SLC19A1: variants seen among roughly 807,000 people sequenced by gnomAD.
The protein encoded by SLC19A1 is reduced folate transporter.
In SLC19A1, 37 loss-of-function variants were observed where a neutral mutation model predicts 35.3. The observed-to-expected ratio is 1.05, with a 90% CI of 0.81 to 1.38. SLC19A1 has a LOEUF of 1.38. Ranked by LOEUF, SLC19A1 falls within the 40% of genes most tolerant of loss-of-function variation. The probability of loss-of-function intolerance (pLI) is 0.00; values close to 1 mark genes in which losing one functional copy is unlikely to be tolerated. For synonymous variants in SLC19A1, 460 were observed against 398.5 expected (o/e 1.15, Z -1.84); for missense variants, 831 against 826.9 (o/e 1.00, Z -0.06).
At chr21:45,509,164 C>CG (rs2037423158), downstream of SLC19A1, among the ~76,000 whole-genome samples, 1 of 152,070 alleles carries the variant, frequency 6.6e-6, no homozygotes, top group African/African-American at 2.4e-5. Flanking sequence ...CGCGATCCGG[C>CG]GCCACGGCAG....
At chr21:45,512,454 C>A, downstream of SLC19A1, 4 of 1,558,968 alleles carry the variant, frequency 2.6e-6, no homozygotes, top group South Asian at 3.5e-5. Context: ...GAAGCCCCCA[C>A]CGTGGGCAGG....
chr21:45,560,391 G>A (rs912502161), intron 1 of SLC19A1, among the ~76,000 whole-genome samples: 15 of 151,884 alleles, frequency 9.9e-5, no homozygotes, highest in Admixed American at 6.5e-4. Flanking sequence ...AGCAGGGAGG[G>A]GTCTTGGAGA....
rs896405686 is a variant in SLC19A1 at position 45,531,795 on chromosome 21, G to T, written c.543C>A (p.Ser181=). ...GCGAGATGTAGTTGAGCGTGGAGAA[G>T]GAGACTCGGCCCACAGTGACCAGCA... ...GQLLVTVGRV[S]FSTLNYISLA... Residue 181 remains serine, a synonymous_variant, in exon 3 of 6, where the codon TCC becomes TCA. Coordinates refer to ENST00000311124, the MANE Select transcript of SLC19A1 (RefSeq NM_194255.4). 6.3e-7 allele frequency: 1 copy of T among 1,598,294 alleles called. No homozygotes were observed. Among genetic ancestry groups the T allele is most frequent in the African/African-American group, 1.3e-5 (1 of 74,404 alleles).
chr21:45,544,833 C>T (rs1304198135), upstream of SLC19A1, among the ~76,000 whole-genome samples: 1 of 152,164 alleles, frequency 6.6e-6, no homozygotes, highest in African/African-American at 2.4e-5. Context: ...CACTCCCCGG[C>T]AGCCTTAGCA....
chr21:45,521,779 A>T (rs1208086046), intron 5 of SLC19A1, among the ~76,000 whole-genome samples: 1 of 152,242 alleles, frequency 6.6e-6, no homozygotes, highest in Non-Finnish European at 1.5e-5. Context: ...TCTTTTCAAC[A>T]AATGATGCTG....
intron 3 of SLC19A1, chr21:45,504,336 C>A: frequency 6.9e-7 from 1 of 1,455,108 alleles, no homozygotes; most frequent in Non-Finnish European, 9.4e-7. Context: ...GACTGCCCAG[C>A]CCTGGCTCGG....
intron 1 of SLC19A1, among the ~76,000 whole-genome samples, chr21:45,554,894 G>A (rs1326883850): frequency 6.6e-6 from 1 of 151,850 alleles, no homozygotes; most frequent in Non-Finnish European, 1.5e-5. Context: ...CCCGGCTTCA[G>A]TGGCGAGGCC....
chr21:45,547,439 G>A (rs1245651108), upstream of SLC19A1, among the ~76,000 whole-genome samples: 10 of 152,294 alleles, frequency 6.6e-5, no homozygotes, highest in East Asian at 1.9e-4. Flanking sequence ...AGGGAAAGCC[G>A]ACCAACTTTC....
rs946742060 is a variant in SLC19A1 at position 45,535,113 on chromosome 21, G to C, written c.189+2658C>G. ...GAAGGGCACCCAACAGGGGCTGGCT[G>C]GGGACGGGGCATGGGCCGCAGGTCA... On this transcript the variant is annotated intron_variant, in intron 2 of 5. Transcript: ENST00000311124. 4.6e-5 allele frequency among the ~76,000 whole-genome samples: 7 copies of C among 152,230 alleles called. No homozygotes were observed. The East Asian group carries it at 1.3e-3, about 29-fold the overall frequency.
Position 45,505,710 on chromosome 21 carries a change from G to A in SLC19A1, c.498-7098C>T, listed in dbSNP as rs756585106. ...CCCCATGGTGCTCATGGGGGCAGCC[G>A]CCTCAGTCCACACCTGTCCAAAGCC... is the stretch of plus-strand genomic sequence containing the variant. On this transcript the variant is annotated intron_variant, in intron 3 of 4. Coordinates refer to the SLC19A1 transcript ENST00000417954. The A allele has an allele frequency of 3.2e-4, 254 of 788,362 alleles. 2 individuals are homozygous for A. Among genetic ancestry groups the A allele is most frequent in the Admixed American group, 8.1e-4 (39 of 47,936 alleles). The allele number at this position is 788,362 out of a possible 1,614,324, so 48.8% of individuals were successfully genotyped here. A position where few individuals can be genotyped will look rare whatever the true frequency, so the allele number is the denominator to read the frequency against.
upstream of SLC19A1, among the ~76,000 whole-genome samples, chr21:45,543,413 G>A (rs376962135): frequency 3.9e-5 from 6 of 152,232 alleles, no homozygotes; most frequent in African/African-American, 1.2e-4. Context: ...GACGGCCACC[G>A]TGGTACCCAC....
chr21:45,531,749 C>T lies in SLC19A1; in HGVS notation c.589G>A (p.Val197Met). The change falls in exon 3 of 6, where the codon GTG becomes ATG. Residue 197 changes from valine to methionine, a missense_variant. Physicochemically the swap from Val to Met is conservative, Grantham distance 21. Coordinates refer to ENST00000311124, the MANE Select transcript of SLC19A1 (RefSeq NM_194255.4). ...YISLAFLTFS[V>M]VLALFLKRPK... Reference sequence around the variant, plus strand: ...CGCTTCAGGAAGAGGGCGAGGACCACGCTGAAGGTGAGGAAGGCCAGCGAG... The same window carrying T: ...CGCTTCAGGAAGAGGGCGAGGACCATGCTGAAGGTGAGGAAGGCCAGCGAG... The T allele has an allele frequency of 1.2e-6, 2 of 1,612,142 alleles. No homozygotes were observed. Among genetic ancestry groups the T allele is most frequent in the Non-Finnish European group, 1.7e-6 (2 of 1,179,332 alleles).
At chr21:45,555,816 A>G (rs1300421334) in intron 1 of SLC19A1, among the ~76,000 whole-genome samples, 1 of 151,586 alleles carries the variant, frequency 6.6e-6, no homozygotes, top group Non-Finnish European at 1.5e-5. Flanking sequence ...GCGGTCCTGG[A>G]GGTGCCGGGA....
At chr21:45,510,975 A>AC, downstream of SLC19A1, 1 of 34,724 alleles carries the variant, frequency 2.9e-5, no homozygotes, top group South Asian at 1.3e-4. Flanking sequence ...ACCCCCAAAC[A>AC]CCCCCCACAC....
exon 1 of SLC19A1, among the ~76,000 whole-genome samples, chr21:45,562,768 T>G (rs970310565): frequency 6.6e-6 from 1 of 151,896 alleles, no homozygotes; most frequent in African/African-American, 2.4e-5. Context: ...CCGCAGAAGA[T>G]CCTCCTCCGG....
chr21:45,524,019 C>T (rs948052983), intron 5 of SLC19A1, among the ~76,000 whole-genome samples: 1 of 152,190 alleles, frequency 6.6e-6, no homozygotes, highest in Non-Finnish European at 1.5e-5. Flanking sequence ...CCAGGCCGGG[C>T]CTGGACACAT....
chr21:45,529,544 T>G (rs958026437), intron 4 of SLC19A1, among the ~76,000 whole-genome samples: 3 of 152,016 alleles, frequency 2.0e-5, no homozygotes, highest in African/African-American at 7.3e-5. Context: ...TGTGTCAGTG[T>G]GTGTGGTCTG....
At chr21:45,545,843 G>A (rs1181382788), upstream of SLC19A1, among the ~76,000 whole-genome samples, 1 of 152,184 alleles carries the variant, frequency 6.6e-6, no homozygotes, top group Non-Finnish European at 1.5e-5. Context: ...TCACCTTGCT[G>A]AATGACAGGT....
upstream of SLC19A1, among the ~76,000 whole-genome samples, chr21:45,543,182 G>C (rs924293646): frequency 1.3e-5 from 2 of 152,260 alleles, no homozygotes; most frequent in Non-Finnish European, 2.9e-5. Flanking sequence ...ACTCAGGAAG[G>C]GGGGCCTGGG....
Sources: allele counts gnomAD v4.1 joint callset (sites outside exome capture counted in the v4.1 genomes callset), GRCh38; gene constraint gnomAD v4.1.1; transcripts MANE v1.5; gene names NCBI Gene and HGNC (gene_info 2026-07-23, HGNC 2026-07-21).